RAP1A: variants seen among roughly 807,000 people sequenced by gnomAD.
The protein encoded by RAP1A is RAP1A, member of RAS oncogene family.
A neutral mutation model predicts 26.4 loss-of-function variants in RAP1A; 6 were observed. The ratio of observed to expected loss-of-function variants is 0.23; its 90% CI spans 0.12 to 0.45. The LOEUF is 0.45. Ranked by LOEUF, RAP1A falls within the 20% of genes least tolerant of loss-of-function variation. The pLI, the probability that RAP1A is intolerant of heterozygous loss-of-function variation, is 0.99. For missense variants in RAP1A, 121 were observed against 217.2 expected (o/e 0.56, Z 2.78); for synonymous variants, 73 against 79.4 (o/e 0.92, Z 0.43).
At chr1:111,547,253 T>C (rs1657065756) in intron 1 of RAP1A, among the ~76,000 whole-genome samples, 1 of 152,122 alleles carries the variant, frequency 6.6e-6, no homozygotes, top group Non-Finnish European at 1.5e-5. Context: ...CTTTATGAGA[T>C]TGAAGAATTT....
intron 1 of RAP1A, among the ~76,000 whole-genome samples, chr1:111,545,691 A>G (rs1010463265): frequency 5.3e-5 from 8 of 152,066 alleles, no homozygotes; most frequent in Non-Finnish European, 7.4e-5. Flanking sequence ...TTAAGAAACC[A>G]TTACCTAATC....
intron 4 of RAP1A, among the ~76,000 whole-genome samples, chr1:111,700,920 A>G (rs975215279): frequency 6.6e-6 from 1 of 152,162 alleles, no homozygotes; most frequent in African/African-American, 2.4e-5. Flanking sequence ...GAATCTAATG[A>G]CACTATCTTG....
Position 111,653,377 on chromosome 1 carries a change from GAATTGTGTACTTGAA to G in RAP1A, c.-28+33447_-28+33461del, listed in dbSNP as rs530924347. Among the ~76,000 whole-genome samples the G allele has an allele frequency of 9.9e-5, 15 of 152,182 alleles. No homozygotes were observed. The South Asian group carries it at 2.9e-3, about 29-fold the overall frequency. On this transcript the variant is annotated intron_variant, in intron 1 of 7. Coordinates refer to ENST00000369709, the MANE Select transcript of RAP1A (RefSeq NM_002884.4). ...TGTGAATATAATTTTTAAATCCACT[GAATTGTGTACTTGAA>G]AATGGTGGGCCAGGCGCGGTGGCTC...
intron 1 of RAP1A, chr1:111,604,323 C>T (rs1369641440): frequency 6.6e-6 from 1 of 152,246 alleles, no homozygotes; most frequent in African/African-American, 2.4e-5. Flanking sequence ...GCTTTAAAGT[C>T]AGGCGACTGT....
intron 1 of RAP1A, among the ~76,000 whole-genome samples, chr1:111,690,631 A>T (rs979521943): frequency 4.6e-5 from 7 of 152,204 alleles, no homozygotes; most frequent in Non-Finnish European, 1.0e-4. Flanking sequence ...TCTGGCTGTT[A>T]TTGTGGGTTG....
rs887142679 is a variant in RAP1A at position 111,714,097 on chromosome 1, T to C, written c.*1696T>C. 1.3e-5 allele frequency: 2 copies of C among 152,230 alleles called. No individual in the cohort carries two copies. The highest frequency in any genetic ancestry group is 2.9e-5 in the Non-Finnish European group (2 of 68,022). 9.4% of individuals were successfully genotyped at this position (152,230 alleles called of 1,614,324 possible). On this transcript the variant is annotated 3_prime_UTR_variant, in exon 8 of 8. Transcript: ENST00000369709. ...TTCAAATGTTAAGCTTTGACCAACC[T>C]GAGAAAATGTTAAAGTATTGTTTTT...
chr1:111,556,416 T>A (rs927296125), intron 1 of RAP1A, among the ~76,000 whole-genome samples: 6 of 152,122 alleles, frequency 3.9e-5, no homozygotes, highest in African/African-American at 1.4e-4. Context: ...CCCAGAAGAA[T>A]AGAAAGTGGG....
chr1:111,680,239 G>C (rs549914400), intron 1 of RAP1A, among the ~76,000 whole-genome samples: 1 of 152,298 alleles, frequency 6.6e-6, no homozygotes, highest in East Asian at 1.9e-4. Context: ...GCAGCAGCAA[G>C]ATTTATTATG....
intron 1 of RAP1A, among the ~76,000 whole-genome samples, chr1:111,682,244 C>T (rs192559529): frequency 6.6e-6 from 1 of 152,208 alleles, no homozygotes; most frequent in Non-Finnish European, 1.5e-5. Context: ...AAAAACCATA[C>T]CAAAATATGA....
chr1:111,703,331 C>A lies in RAP1A; in HGVS notation c.184-5C>A. The A allele has an allele frequency of 2.0e-6, 3 of 1,527,586 alleles. No individual in the cohort carries two copies. Among genetic ancestry groups the A allele is most frequent in the East Asian group, 2.3e-5 (1 of 43,514 alleles). 94.6% of individuals were successfully genotyped at this position (1,527,586 alleles called of 1,614,324 possible). On this transcript the variant is annotated splice_region_variant and splice_polypyrimidine_tract_variant and intron_variant, in intron 4 of 7. Coordinates refer to ENST00000369709, the MANE Select transcript of RAP1A (RefSeq NM_002884.4). The stretch of plus-strand genomic sequence containing the variant: ...ATTTATAATTGCATATTTTTTAAAT[C>A]ATAGGAGCAATTTACAGCAATGAGG...
At chr1:111,588,991 G>A (rs972639073) in intron 1 of RAP1A, among the ~76,000 whole-genome samples, 4 of 152,144 alleles carry the variant, frequency 2.6e-5, no homozygotes, top group Non-Finnish European at 5.9e-5. Context: ...ATTAAGTAGT[G>A]ATAACAGTGA....
rs142491688 is a variant in RAP1A, at chr1:111,692,355, T to C, written c.57+938T>C. Among the ~76,000 whole-genome samples, 278 of 152,308 alleles carry C rather than the reference T, an allele frequency of 1.8e-3. 1 individual carries two copies. Among genetic ancestry groups the C allele is most frequent in the African/African-American group, 6.6e-3 (273 of 41,574 alleles). On this transcript the variant is annotated intron_variant, in intron 2 of 7. Transcript: ENST00000369709. ...TAATAAAAAAGAGAGGCCGGTGATA[T>C]GATTTTGGGTGCCATCAATATGGTG...
rs576589666 is a variant in RAP1A at position 111,702,578 on chromosome 1, T to C, written c.184-758T>C. 7.4e-4 allele frequency among the ~76,000 whole-genome samples: 112 copies of C among 152,148 alleles called. 1 individual carries two copies. The Middle Eastern group carries it at 0.014, about 18-fold the overall frequency. The stretch of plus-strand genomic sequence containing the variant: ...ATACATGAACAAGCTCTTTTTTTTT[T>C]TTTTCCGAGACAGAGTTTCACTCTT... On this transcript the variant is annotated intron_variant, in intron 4 of 7. Coordinates refer to ENST00000369709, the MANE Select transcript of RAP1A (RefSeq NM_002884.4).
chr1:111,663,556 C>G (rs1276959426), intron 1 of RAP1A, among the ~76,000 whole-genome samples: 1 of 152,198 alleles, frequency 6.6e-6, no homozygotes, highest in Non-Finnish European at 1.5e-5. Context: ...ATTTGGTGTT[C>G]ACAGCAACAT....
In RAP1A at chr1:111,714,893, T is replaced by C. The variant is rs188428831; in HGVS notation, c.*2492T>C. 2.6e-5 allele frequency: 4 copies of C among 152,342 alleles called. No individual in the cohort carries two copies. The highest frequency in any genetic ancestry group is 3.9e-4 in the East Asian group (2 of 5,188). The allele number at this position is 152,342 out of a possible 1,614,324, so 9.4% of individuals were successfully genotyped here. On this transcript the variant is annotated 3_prime_UTR_variant, in exon 8 of 8. Coordinates refer to ENST00000369709, the MANE Select transcript of RAP1A (RefSeq NM_002884.4). ...GATTTCATATTAGTATGTGTGGCTA[T>C]TTAAAGTATAATGACTTTGGTTTGG...
chr1:111,570,221 G>A (rs934766296), intron 1 of RAP1A, among the ~76,000 whole-genome samples: 7 of 152,252 alleles, frequency 4.6e-5, no homozygotes, highest in Middle Eastern at 3.4e-3. Flanking sequence ...CAGAGGCCAC[G>A]TAAGAGGCAA....
At chr1:111,605,404 A>T (rs1658750613) in intron 1 of RAP1A, among the ~76,000 whole-genome samples, 2 of 152,236 alleles carry the variant, frequency 1.3e-5, no homozygotes, top group South Asian at 4.1e-4. Flanking sequence ...TGAGAGGCTA[A>T]GCATACATAA....
At chr1:111,682,305 A>G (rs1661324434) in intron 1 of RAP1A, among the ~76,000 whole-genome samples, 1 of 151,838 alleles carries the variant, frequency 6.6e-6, no homozygotes, top group Admixed American at 6.6e-5. Context: ...CAAAATAACC[A>G]GATCAAATTC....
chr1:111,649,271 G>A (rs1357230157), intron 1 of RAP1A: 7 of 470,136 alleles, frequency 1.5e-5, no homozygotes, highest in Non-Finnish European at 2.5e-5. Flanking sequence ...TCCGGTTCTC[G>A]GTTTCCAGGC....
Sources: allele counts gnomAD v4.1 joint callset (sites outside exome capture counted in the v4.1 genomes callset), GRCh38; gene constraint gnomAD v4.1.1; transcripts MANE v1.5; gene names NCBI Gene and HGNC (gene_info 2026-07-23, HGNC 2026-07-21).